The following INO80 variants were observed in gnomAD, a reference collection of about 807,000 sequenced individuals.
INO80 encodes chromatin-remodeling ATPase INO80.
A neutral mutation model predicts 203.4 loss-of-function variants in INO80; 20 were observed. The observed-to-expected ratio is 0.10, with a 90% CI of 0.07 to 0.14. INO80 has a LOEUF of 0.14. INO80 is among the 10% of genes least tolerant of loss of function. The pLI is 1.00. For missense variants in INO80, 1,419 were observed against 1,914.4 expected, an observed-to-expected ratio of 0.74 and a Z score of 4.83; for synonymous variants, 726 against 685.2, an observed-to-expected ratio of 1.06 and a Z score of -0.93.
intron 29 of INO80, among the ~76,000 whole-genome samples, chr15:40,992,363 A>C (rs1411144082): frequency 1.3e-5 from 2 of 152,260 alleles, no homozygotes; most frequent in African/African-American, 4.8e-5. Flanking sequence ...CAGGAAGCAT[A>C]TACAGTGACA....
intron 6 of INO80, among the ~76,000 whole-genome samples, chr15:41,086,246 C>A (rs371682064): frequency 6.6e-6 from 1 of 151,972 alleles, no homozygotes; most frequent in African/African-American, 2.4e-5. Flanking sequence ...GACAAAAATA[C>A]ATGAAACAAA....
intron 21 of INO80, among the ~76,000 whole-genome samples, chr15:41,048,824 T>C (rs1319769276): frequency 6.6e-6 from 1 of 152,238 alleles, no homozygotes; most frequent in African/African-American, 2.4e-5. Flanking sequence ...ACCACACATC[T>C]ATTTTCTGAA....
intron 5 of INO80, among the ~76,000 whole-genome samples, chr15:41,089,146 T>C (rs1273922395): frequency 6.6e-6 from 1 of 152,018 alleles, no homozygotes; most frequent in Non-Finnish European, 1.5e-5. Context: ...GCCAAGATCA[T>C]GCCACTGCAT....
chr15:40,993,687 A>T (rs780791449), intron 29 of INO80, among the ~76,000 whole-genome samples: 5 of 152,130 alleles, frequency 3.3e-5, no homozygotes, highest in Non-Finnish European at 5.9e-5. Context: ...TGAACCTGAG[A>T]GGTGGAGGTT....
intron 1 of INO80, among the ~76,000 whole-genome samples, chr15:41,114,095 C>T (rs1170114312): frequency 2.6e-5 from 4 of 151,980 alleles, no homozygotes; most frequent in East Asian, 2.0e-4. Flanking sequence ...GGTGAAACCC[C>T]GTCTCTACTA....
In INO80 at chr15:40,980,352, CAAAGG is replaced by C; in HGVS notation, c.4537_4541del (p.Pro1513GlufsTer9). 1 of 1,614,040 alleles carries C rather than the reference CAAAGG, an allele frequency of 6.2e-7. No homozygotes were observed. Among genetic ancestry groups the C allele is most frequent in the Non-Finnish European group, 8.5e-7 (1 of 1,180,008 alleles). ...TATTTCCCTTGCTCAAAGGGGAACT[CAAAGG>C]AGAAGAGGCGCTTGAAGGTCCAAAG... On this transcript the variant is annotated frameshift_variant, in exon 36 of 36. Transcript: ENST00000648947. LOFTEE classifies it high-confidence loss of function.
intron 34 of INO80, chr15:40,983,303 T>C: frequency 1.8e-6 from 1 of 542,114 alleles, no homozygotes; most frequent in Non-Finnish European, 3.3e-6. Flanking sequence ...CTGCTTTTCA[T>C]TCTGAAGAGC....
chr15:41,019,586 C>G (rs2044259279), intron 26 of INO80: 1 of 152,234 alleles, frequency 6.6e-6, no homozygotes, highest in African/African-American at 2.4e-5. Context: ...TTGCTTCTTT[C>G]AATAACGGTG....
chr15:41,050,852 G>C (rs1376269763), intron 19 of INO80, among the ~76,000 whole-genome samples: 1 of 152,148 alleles, frequency 6.6e-6, no homozygotes, highest in East Asian at 1.9e-4. Context: ...CCAATAATCA[G>C]GCCGGACGCA....
intron 22 of INO80, 78 bp from the exon 23 acceptor site, chr15:41,047,579 G>A (rs1416084304): frequency 3.0e-6 from 3 of 1,001,762 alleles, no homozygotes; most frequent in Admixed American, 4.7e-5. Context: ...CAACTGCTGA[G>A]TTTTGACTTA....
intron 29 of INO80, among the ~76,000 whole-genome samples, chr15:40,992,750 A>C (rs2043832282): frequency 1.3e-5 from 2 of 151,874 alleles, no homozygotes; most frequent in South Asian, 4.1e-4. Flanking sequence ...CCCAAAATTA[A>C]AATGTAAATT....
chr15:41,085,274 T>C (rs1403581394), intron 7 of INO80, 95 bp downstream of exon 7: 2 of 1,039,850 alleles, frequency 1.9e-6, no homozygotes, highest in Non-Finnish European at 2.9e-6. Flanking sequence ...GCAGAATTCC[T>C]ATCTGTGAAA....
intron 14 of INO80, among the ~76,000 whole-genome samples, chr15:41,065,988 C>CTT (rs1175524125): frequency 2.5e-4 from 32 of 127,268 alleles, no homozygotes; most frequent in African/African-American, 4.6e-4. Context: ...CTACATTGTA[C>CTT]TTTTTTTTTT....
Position 41,095,921 on chromosome 15 carries a change from T to C in INO80, c.151A>G (p.Ser51Gly), listed in dbSNP as rs1422844248. Residue 51 changes from serine (S) to glycine (G), a missense_variant, in exon 3 of 36, where the codon AGT (serine) becomes GGT (glycine). Physicochemically the swap from Ser to Gly is moderately conservative, Grantham distance 56. Around this residue, in one of 9 missense-constraint regions of INO80, gnomAD observed 323 missense variants for 325.4 expected, o/e 0.99. Transcript: ENST00000648947. ...TTACTGTCATCCAGTCCATCTTCAC[T>C]GTCATCACTATAAATTGAAGAATGA... ...IFNRNISSDD[S>G]EDGLDDSNPL... 1.9e-6 allele frequency: 3 copies of C among 1,613,532 alleles called. No individual in the cohort carries two copies. The highest frequency in any genetic ancestry group is 2.5e-6 in the Non-Finnish European group (3 of 1,179,656).
intron 25 of INO80, chr15:41,023,132 GGA>G (rs2044319933): frequency 2.8e-6 from 1 of 353,318 alleles, no homozygotes; most frequent in Non-Finnish European, 5.5e-6. Context: ...AAAAAAAGAA[GGA>G]ACTTGTTTTC....
At chr15:41,060,087 C>G (rs995695681) in intron 14 of INO80, among the ~76,000 whole-genome samples, 161 bp from the exon 15 acceptor site, 1 of 152,164 alleles carries the variant, frequency 6.6e-6, no homozygotes, top group African/African-American at 2.4e-5. Context: ...ACCCTGTTGT[C>G]CAAATAGAAA....
Position 41,092,066 on chromosome 15 carries a change from A to G in INO80, c.498T>C (p.Tyr166=), listed in dbSNP as rs1281731852. 4.3e-6 allele frequency: 7 copies of G among 1,611,368 alleles called. No homozygotes were observed. Among genetic ancestry groups the G allele is most frequent in the Non-Finnish European group, 4.2e-6 (5 of 1,177,790 alleles). ...TATACTTATTTTGGTGAAGTTTCTTATATTTGTGTAGTCGAAGCATGTTGT... is the reference window on the plus strand; with the variant it reads ...TATACTTATTTTGGTGAAGTTTCTTGTATTTGTGTAGTCGAAGCATGTTGT... ...ELHNMLRLHK[Y]KKLHQNKYSK... is the part of the protein sequence containing the mutation. Residue 166 remains tyrosine (Y), a synonymous_variant, in exon 5 of 36, where the codon TAT becomes TAC. Transcript: ENST00000648947.
intron 27 of INO80, among the ~76,000 whole-genome samples, chr15:41,015,811 G>A (rs1227546447): frequency 6.7e-6 from 1 of 149,724 alleles, no homozygotes; most frequent in Non-Finnish European, 1.5e-5. Flanking sequence ...GCTGAGTGTG[G>A]TGGTGCACGC....
At chr15:41,056,832 T>C in intron 16 of INO80, 126 bp from the exon 17 acceptor site, 6 of 681,896 alleles carry the variant, frequency 8.8e-6, no homozygotes, top group East Asian at 2.6e-5. Context: ...TACTCCATCA[T>C]GTATTCAACT....
Sources: gnomAD v4.1 joint callset for allele counts (sites outside exome capture counted in the v4.1 genomes callset) on GRCh38, gnomAD v4.1.1 for gene constraint, gnomAD v4.1.1 regional missense constraint, MANE v1.5 for transcripts, NCBI Gene and HGNC (gene_info 2026-07-23, HGNC 2026-07-21) for gene names.